ZFHX3: variants seen among roughly 807,000 people sequenced by gnomAD.
ZFHX3 encodes the protein zinc finger homeobox 3.
ZFHX3 carries 42 observed loss-of-function variants against 279.1 expected under a neutral mutation model. That is an observed-to-expected ratio of 0.15 (90% CI 0.12 to 0.19). ZFHX3 has a LOEUF of 0.19. Ranked by LOEUF, ZFHX3 falls within the 10% of genes least tolerant of loss-of-function variation. ZFHX3 has a pLI of 1.00. For missense variants in ZFHX3, 4,981 were observed against 4,754.0 expected, an observed-to-expected ratio of 1.05 and a Z score of -1.40; for synonymous variants, 2,293 against 1,957.8, an observed-to-expected ratio of 1.17 and a Z score of -4.52.
chr16:73,237,888 C>A (rs984195495), intron 5 of ZFHX3, among the ~76,000 whole-genome samples: 12 of 152,164 alleles, frequency 7.9e-5, no homozygotes, highest in African/African-American at 1.4e-4. Flanking sequence ...CCTTGAAAGT[C>A]AAGTTTACCC....
chr16:73,488,070 T>C (rs1274057226), intron 2 of ZFHX3, among the ~76,000 whole-genome samples: 1 of 152,216 alleles, frequency 6.6e-6, no homozygotes, highest in East Asian at 1.9e-4. Flanking sequence ...ATCATTTTTG[T>C]TCCAAGCTTC....
At chr16:73,112,640 C>T (rs1198881175) in intron 7 of ZFHX3, among the ~76,000 whole-genome samples, 1 of 124,360 alleles carries the variant, frequency 8.0e-6, no homozygotes, top group African/African-American at 3.1e-5. Context: ...CTCTTGAACC[C>T]GGGAGGTGGA....
chr16:73,486,681 T>A, intron 2 of ZFHX3: 1 of 410,898 alleles, frequency 2.4e-6, no homozygotes, highest in Non-Finnish European at 4.8e-6. Context: ...ATGCAGTTTT[T>A]ATTCTAGCCC....
chr16:72,828,439 T>C (rs2036984972), intron 5 of ZFHX3, among the ~76,000 whole-genome samples: 1 of 152,222 alleles, frequency 6.6e-6, no homozygotes, highest in Non-Finnish European at 1.5e-5. Flanking sequence ...TCTTGAGAAA[T>C]GGCCGTTCTC....
intron 5 of ZFHX3, among the ~76,000 whole-genome samples, chr16:72,825,978 G>C (rs531550760): frequency 1.3e-5 from 2 of 152,062 alleles, no homozygotes. Context: ...TTACGACTAC[G>C]GGCGTTCCTG....
chr16:73,340,942 A>T (rs908913249), intron 3 of ZFHX3, among the ~76,000 whole-genome samples: 1 of 152,256 alleles, frequency 6.6e-6, no homozygotes. Flanking sequence ...ATTGCATGAA[A>T]AAAACATCAT....
chr16:73,462,169 T>G (rs1292270090), intron 2 of ZFHX3, among the ~76,000 whole-genome samples: 1 of 152,228 alleles, frequency 6.6e-6, no homozygotes. Flanking sequence ...ATTGTTAGTA[T>G]ACAGAAGTGC....
At chr16:73,263,141 A>G (rs1165657904) in intron 4 of ZFHX3, among the ~76,000 whole-genome samples, 1 of 152,086 alleles carries the variant, frequency 6.6e-6, no homozygotes. Flanking sequence ...AACAAACCCA[A>G]TGATAGCCTC....
At chr16:73,391,851 A>G (rs1476400080) in intron 3 of ZFHX3, among the ~76,000 whole-genome samples, 4 of 152,156 alleles carry the variant, frequency 2.6e-5, no homozygotes, top group Non-Finnish European at 4.4e-5. Context: ...GATGCACACA[A>G]CCGGGGAAGA....
chr16:73,364,310 C>A (rs2016489930), intron 3 of ZFHX3, among the ~76,000 whole-genome samples: 1 of 150,442 alleles, frequency 6.6e-6, no homozygotes, highest in Non-Finnish European at 1.5e-5. Context: ...TTAATTTTTT[C>A]CTGTTTATTT....
In ZFHX3 at chr16:72,911,900, C is replaced by T. The variant is rs184195102; in HGVS notation, c.3217-21938G>A. Among the ~76,000 whole-genome samples the T allele has an allele frequency of 6.6e-5, 10 of 152,330 alleles. No homozygotes were observed. In the East Asian group the frequency reaches 1.7e-3, roughly 26 times the overall value. On this transcript the variant is annotated intron_variant, in intron 3 of 9. Coordinates refer to ENST00000268489, the MANE Select transcript of ZFHX3 (RefSeq NM_006885.4). ...GGAGAGGGATGCGGGAGACGTCACA[C>T]TGCCACTTTAGAAACAAAAGGGAAT...
At chr16:73,581,813 G>T (rs1055684569) in intron 2 of ZFHX3, among the ~76,000 whole-genome samples, 3 of 151,244 alleles carry the variant, frequency 2.0e-5, no homozygotes, top group African/African-American at 7.4e-5. Flanking sequence ...TGGACTATAG[G>T]CATGTGCCAC....
intron 1 of ZFHX3, among the ~76,000 whole-genome samples, chr16:73,862,020 G>A (rs1327963437): frequency 6.6e-6 from 1 of 152,196 alleles, no homozygotes; most frequent in Admixed American, 6.5e-5. Flanking sequence ...ACCTTCCCAA[G>A]GAAGAATCTA....
intron 1 of ZFHX3, among the ~76,000 whole-genome samples, chr16:73,793,070 TCAG>T (rs1959882534): frequency 1.3e-5 from 2 of 152,202 alleles, no homozygotes; most frequent in Admixed American, 1.3e-4. Context: ...CAGGGGGACT[TCAG>T]CTTATATGAA....
At chr16:73,019,851 T>G (rs1964240498) in intron 1 of ZFHX3, among the ~76,000 whole-genome samples, 1 of 152,198 alleles carries the variant, frequency 6.6e-6, no homozygotes, top group Non-Finnish European at 1.5e-5. Context: ...GTTTATTTGT[T>G]TAGCCCACTG....
At chr16:73,642,523 A>C (rs2052583105) in intron 2 of ZFHX3, among the ~76,000 whole-genome samples, 1 of 152,236 alleles carries the variant, frequency 6.6e-6, no homozygotes, top group African/African-American at 2.4e-5. Flanking sequence ...ATATATTCAA[A>C]GATAAACAGC....
intron 2 of ZFHX3, among the ~76,000 whole-genome samples, chr16:73,620,345 G>A (rs1342524730): frequency 1.3e-5 from 2 of 152,164 alleles, no homozygotes; most frequent in African/African-American, 4.8e-5. Flanking sequence ...CATAAATATT[G>A]TTCTTATGGC....
At chr16:73,261,830 C>T (rs1276281844) in intron 4 of ZFHX3, among the ~76,000 whole-genome samples, 1 of 152,028 alleles carries the variant, frequency 6.6e-6, no homozygotes, top group Non-Finnish European at 1.5e-5. Context: ...GATGCACCAC[C>T]ACGCTCGGCG....
chr16:72,788,892 G>A, intron 9 of ZFHX3, 44 bp from the exon 10 acceptor site: 3 of 1,509,088 alleles, frequency 2.0e-6, no homozygotes, highest in Non-Finnish European at 2.7e-6. Context: ...TCTGGGCAGG[G>A]GTAGGGCTGA....
Sources: allele counts gnomAD v4.1 joint callset (sites outside exome capture counted in the v4.1 genomes callset), GRCh38; gene constraint gnomAD v4.1.1; transcripts MANE v1.5; gene names NCBI Gene and HGNC (gene_info 2026-07-23, HGNC 2026-07-21).